The following CNTNAP3 variants were observed in gnomAD, a reference collection of about 807,000 sequenced individuals.
The protein encoded by CNTNAP3 is contactin-associated protein-like 3.
In CNTNAP3, 36 loss-of-function variants were observed where a neutral mutation model predicts 92.1. The observed-to-expected ratio is 0.39, with a 90% CI of 0.30 to 0.52. The LOEUF (loss-of-function observed/expected upper bound fraction) is 0.52, where lower values mean the gene tolerates loss of function less well. Among genes scored for constraint, CNTNAP3 ranks in the 20% least tolerant of loss-of-function variants. The pLI is 0.76. For synonymous variants in CNTNAP3, 232 were observed against 422.3 expected, an observed-to-expected ratio of 0.55 and a Z score of 5.53; for missense variants, 534 against 1,069.6, an observed-to-expected ratio of 0.50 and a Z score of 6.98.
At chr9:39,081,251 C>T (rs1825925883) in intron 21 of CNTNAP3, among the ~76,000 whole-genome samples, 1 of 151,170 alleles carries the variant, frequency 6.6e-6, no homozygotes, top group African/African-American at 2.4e-5. Flanking sequence ...TTCAGTAGAA[C>T]TCAACTCTTA....
At chr9:39,083,501 C>A (rs2210426) in intron 21 of CNTNAP3, among the ~76,000 whole-genome samples, 35,172 of 151,508 alleles carry the variant, frequency 0.23, 4,334 homozygotes, top group East Asian at 0.38. Flanking sequence ...TCTACTAAAA[C>A]TACAAAAATT....
At chr9:39,083,258 A>G (rs1360853421) in intron 21 of CNTNAP3, among the ~76,000 whole-genome samples, 1 of 152,090 alleles carries the variant, frequency 6.6e-6, no homozygotes, top group African/African-American at 2.4e-5. Context: ...AGCTGTATTC[A>G]TATGCAACTG....
In CNTNAP3 at chr9:39,080,809, G is replaced by A. The variant is rs188456043; in HGVS notation, c.3443-1889C>T. Among the ~76,000 whole-genome samples the A allele has an allele frequency of 9.6e-3, 1,320 of 138,024 alleles. 139 individuals are homozygous for A. Among genetic ancestry groups the A allele is most frequent in the Middle Eastern group, 0.015 (4 of 274 alleles). 90.5% of individuals were successfully genotyped at this position (138,024 alleles called of 152,430 possible). On this transcript the variant is annotated intron_variant, in intron 21 of 23. Coordinates refer to ENST00000297668, the MANE Select transcript of CNTNAP3 (RefSeq NM_033655.5). ...CCCAAGTAGTTGGGACTACAGGCAT[G>A]CACCACCACACCCAGCTAATTTTTT...
intron 23 of CNTNAP3, among the ~76,000 whole-genome samples, chr9:39,077,548 C>T (rs1825811580): frequency 6.7e-6 from 1 of 149,206 alleles, no homozygotes. Flanking sequence ...CACAGCGAGA[C>T]TCTGTCTCAA....
intron 14 of CNTNAP3, among the ~76,000 whole-genome samples, chr9:39,111,937 A>C (rs1465949269): frequency 6.6e-6 from 1 of 152,054 alleles, no homozygotes; most frequent in Non-Finnish European, 1.5e-5. Flanking sequence ...TCTTATTGTT[A>C]CAGGCAGATT....
chr9:39,099,290 G>T (rs1221227741), intron 18 of CNTNAP3, among the ~76,000 whole-genome samples: 4 of 152,154 alleles, frequency 2.6e-5, no homozygotes, highest in Non-Finnish European at 4.4e-5. Context: ...CTGAGCAGAA[G>T]CTGTGTGATA....
rs1295599128 is a variant in CNTNAP3, at chr9:39,068,181, T to G, written c.*5709A>C. ...TTAGGAGGCTGAGGTGGGCAGATCA[T>G]GAGATCCAGAGATCGAGACCATCCT... On this transcript the variant is annotated 3_prime_UTR_variant, in exon 24 of 24. Transcript: ENST00000297668. Among the ~76,000 whole-genome samples the G allele has an allele frequency of 6.6e-6, 1 of 151,888 alleles. No individual in the cohort carries two copies.
intron 10 of CNTNAP3, among the ~76,000 whole-genome samples, chr9:39,148,862 A>G (rs1821771719): frequency 6.6e-6 from 1 of 152,148 alleles, no homozygotes; most frequent in Admixed American, 6.5e-5. Context: ...TGTAGCATTT[A>G]TTTATTCACT....
intron 21 of CNTNAP3, chr9:39,084,936 T>C (rs1826033355): frequency 6.7e-6 from 1 of 149,490 alleles, no homozygotes; most frequent in South Asian, 2.1e-4. Context: ...CCTTTGAATA[T>C]ACCATCCTTG....
Position 39,226,848 on chromosome 9 carries a change from T to C in CNTNAP3, c.390+12145A>G, listed in dbSNP as rs1277938661. The stretch of plus-strand genomic sequence containing the variant: ...TCCTGTGTTAATTCACTTGGGATAA[T>C]GGCCTCCAACTGCGTCCATGGTGCT... On this transcript the variant is annotated intron_variant, in intron 3 of 23. Transcript: ENST00000297668. 3.8e-4 allele frequency among the ~76,000 whole-genome samples: 2 copies of C among 5,242 alleles called. 1 individual carries two copies. The highest frequency in any genetic ancestry group is 4.5e-4 in the African/African-American group (2 of 4,458). The allele number at this position is 5,242 out of a possible 152,430, so 3.4% of individuals were successfully genotyped here. A position where few individuals can be genotyped will look rare whatever the true frequency, so the allele number is the denominator to read the frequency against.
intron 21 of CNTNAP3, among the ~76,000 whole-genome samples, chr9:39,079,453 C>G (rs928159276): frequency 2.6e-5 from 4 of 151,130 alleles, no homozygotes; most frequent in Admixed American, 6.6e-5. Context: ...CGATTATATT[C>G]CAATCTTAAA....
At chr9:39,135,908 T>C (rs1383445617) in intron 12 of CNTNAP3, among the ~76,000 whole-genome samples, 2 of 151,968 alleles carry the variant, frequency 1.3e-5, no homozygotes, top group Non-Finnish European at 2.9e-5. Flanking sequence ...GGCAGGCAGA[T>C]TACGAGGTCA....
In CNTNAP3 at chr9:39,143,857, G is replaced by A. The variant is rs188509827; in HGVS notation, c.1756+383C>T. On this transcript the variant is annotated intron_variant, in intron 11 of 23. Transcript: ENST00000297668. The stretch of plus-strand genomic sequence containing the variant: ...TGTAGCATTGACAGCCTGGCAAGGG[G>A]TTGTTTTTCCACCTTTCTTTGACTG... Among the ~76,000 whole-genome samples the A allele has an allele frequency of 8.1e-4, 123 of 152,230 alleles. 1 individual carries two copies. The highest frequency in any genetic ancestry group is 2.9e-3 in the African/African-American group (122 of 41,530).
intron 12 of CNTNAP3, among the ~76,000 whole-genome samples, chr9:39,134,311 A>G (rs1221891354): frequency 6.6e-6 from 1 of 152,192 alleles, no homozygotes; most frequent in Non-Finnish European, 1.5e-5. Flanking sequence ...AAATTAAATT[A>G]TCACTCCACT....
At chr9:39,075,451 C>T (rs1825735783) in intron 23 of CNTNAP3, among the ~76,000 whole-genome samples, 1 of 151,784 alleles carries the variant, frequency 6.6e-6, no homozygotes, top group South Asian at 2.1e-4. Context: ...TAAAGACAAG[C>T]TTCTGAAGGT....
intron 2 of CNTNAP3, among the ~76,000 whole-genome samples, chr9:39,255,555 T>C (rs1317568859): frequency 5.0e-5 from 3 of 59,512 alleles, no homozygotes; most frequent in African/African-American, 1.0e-4. Context: ...CAGCACTCAG[T>C]AGATTTTAGC....
chr9:39,083,777 A>G (rs1251387284), intron 21 of CNTNAP3, among the ~76,000 whole-genome samples: 1 of 152,264 alleles, frequency 6.6e-6, no homozygotes, highest in Admixed American at 6.5e-5. Context: ...ACTGAATTAT[A>G]AAGTATTTTA....
At chr9:39,161,840 T>A (rs1303826708) in intron 9 of CNTNAP3, among the ~76,000 whole-genome samples, 4 of 96,954 alleles carry the variant, frequency 4.1e-5, no homozygotes, top group East Asian at 2.5e-4. Context: ...GACTCTAAAG[T>A]CTCAAAAAAA....
intron 15 of CNTNAP3, among the ~76,000 whole-genome samples, chr9:39,108,777 G>A (rs1259043240): frequency 6.6e-6 from 1 of 152,114 alleles, no homozygotes; most frequent in East Asian, 1.9e-4. Context: ...ACAGAGGTCA[G>A]AAAATAGAGA....
Sources: gnomAD v4.1 joint callset for allele counts (sites outside exome capture counted in the v4.1 genomes callset) on GRCh38, gnomAD v4.1.1 for gene constraint, MANE v1.5 for transcripts, NCBI Gene and HGNC (gene_info 2026-07-23, HGNC 2026-07-21) for gene names.